The following LRBA variants were observed in gnomAD, a reference collection of about 807,000 sequenced individuals.
The protein encoded by LRBA is LPS responsive beige-like anchor protein, also known as lipopolysaccharide-responsive and beige-like anchor protein.
Under a neutral mutation model 330.0 loss-of-function variants are expected in LRBA, and 176 were observed. The ratio of observed to expected loss-of-function variants is 0.53; its 90% CI spans 0.47 to 0.60. The LOEUF is 0.60. Ranked by LOEUF, LRBA falls within the 20% of genes least tolerant of loss-of-function variation. The pLI is 0.00. For missense variants in LRBA, 3,259 were observed against 3,444.8 expected (o/e 0.95, Z 1.35); for synonymous variants, 1,230 against 1,193.0 (o/e 1.03, Z -0.64).
At chr4:150,562,363 G>A (rs1294884155) in intron 40 of LRBA, among the ~76,000 whole-genome samples, 2 of 152,118 alleles carry the variant, frequency 1.3e-5, no homozygotes, top group Non-Finnish European at 2.9e-5. Context: ...CAGCCTATCT[G>A]CAAAATGTAA....
chr4:150,491,382 C>G (rs1758917475), intron 40 of LRBA, among the ~76,000 whole-genome samples: 1 of 151,854 alleles, frequency 6.6e-6, no homozygotes, highest in Non-Finnish European at 1.5e-5. Context: ...ATCTTAAAAA[C>G]AAAAAGCCCT....
chr4:150,863,069 G>T (rs1579029268), intron 22 of LRBA, among the ~76,000 whole-genome samples: 1 of 152,070 alleles, frequency 6.6e-6, no homozygotes. Flanking sequence ...AGGCCCAGGC[G>T]GGGGGCCACT....
intron 47 of LRBA, among the ~76,000 whole-genome samples, chr4:150,363,041 G>A (rs964255052): frequency 6.6e-6 from 1 of 152,292 alleles, no homozygotes; most frequent in Middle Eastern, 3.4e-3. Flanking sequence ...TCATGTGGGA[G>A]GATCACTTGA....
rs1412053250 is a variant in LRBA at position 150,808,316 on chromosome 4, A to C, written c.5384+4T>G. The C allele has an allele frequency of 1.9e-6, 3 of 1,603,612 alleles. No homozygotes were observed. Among genetic ancestry groups the C allele is most frequent in the Admixed American group, 1.7e-5 (1 of 59,718 alleles). On this transcript the variant is annotated splice_donor_region_variant and intron_variant, in intron 32 of 56. Coordinates refer to ENST00000651943, the MANE Select transcript of LRBA (RefSeq NM_001364905.1). The stretch of plus-strand genomic sequence containing the variant: ...CACAATATTCAAGTTAGTAGCTTAA[A>C]TACCTCATATTTGAAACCGGATCTT...
chr4:150,612,337 T>G (rs890017598), intron 37 of LRBA, among the ~76,000 whole-genome samples: 2 of 152,160 alleles, frequency 1.3e-5, no homozygotes, highest in Admixed American at 6.5e-5. Flanking sequence ...ATACTGAGAG[T>G]AAATAACTGA....
At chr4:150,568,446 T>TGAA (rs1482304920) in intron 40 of LRBA, among the ~76,000 whole-genome samples, 42 of 152,308 alleles carry the variant, frequency 2.8e-4, no homozygotes, top group African/African-American at 9.6e-4. Context: ...TTTTCCCTTC[T>TGAA]TTTATTCCCT....
intron 37 of LRBA, among the ~76,000 whole-genome samples, chr4:150,639,749 A>ATATATGTGTGTATGTG (rs1554070657): frequency 2.9e-4 from 1 of 3,436 alleles, no homozygotes; most frequent in Admixed American, 5.1e-3. Flanking sequence ...ATATATATAT[A>ATATATGTGTGTATGTG]TATATATATA....
At chr4:150,894,457 C>G (rs1204261205) in intron 16 of LRBA, among the ~76,000 whole-genome samples, 1 of 152,070 alleles carries the variant, frequency 6.6e-6, no homozygotes, top group Admixed American at 6.5e-5. Flanking sequence ...TTCTAGACCC[C>G]CAAAAAAACT....
intron 28 of LRBA, among the ~76,000 whole-genome samples, chr4:150,837,114 T>A (rs1019803900): frequency 2.6e-5 from 4 of 152,208 alleles, no homozygotes; most frequent in Non-Finnish European, 5.9e-5. Flanking sequence ...TTTGAGTGAG[T>A]TTCTTAATCC....
chr4:150,731,788 A>G (rs1730495190), intron 36 of LRBA, among the ~76,000 whole-genome samples: 1 of 152,202 alleles, frequency 6.6e-6, no homozygotes, highest in Admixed American at 6.5e-5. Flanking sequence ...ATAGCACAAC[A>G]GGAGACAATA....
At chr4:150,860,395 T>A (rs1032152012) in intron 22 of LRBA, among the ~76,000 whole-genome samples, 1 of 152,212 alleles carries the variant, frequency 6.6e-6, no homozygotes, top group Non-Finnish European at 1.5e-5. Flanking sequence ...CTTAGCATTA[T>A]CCCATCTTAT....
In LRBA at chr4:150,576,825, C is replaced by T. The variant is rs949963950; in HGVS notation, c.6330+11223G>A. 1.1e-4 allele frequency among the ~76,000 whole-genome samples: 17 copies of T among 151,846 alleles called. 1 individual carries two copies. Among genetic ancestry groups the T allele is most frequent in the Admixed American group, 7.9e-4 (12 of 15,252 alleles). On this transcript the variant is annotated intron_variant, in intron 40 of 56. Transcript: ENST00000651943. ...TTATTTTTCAGTACAGTTTGATAGG[C>T]TTACTGTACAAAATTAAAGCTACTG...
Position 150,711,204 on chromosome 4 carries a change from T to C in LRBA, c.5754+24054A>G, listed in dbSNP as rs551136127. On this transcript the variant is annotated intron_variant, in intron 36 of 56. Transcript: ENST00000651943. ...GGTTTCAGGTATAACATAGGAAACA[T>C]AGTGACACAAAGAAGTCAAATCTAA... Among the ~76,000 whole-genome samples, 14 of 151,922 alleles carry C rather than the reference T, an allele frequency of 9.2e-5. No homozygotes were observed. The South Asian group carries it at 1.4e-3, about 16-fold the overall frequency.
At chr4:150,856,574 T>C (rs72961873) in intron 22 of LRBA, among the ~76,000 whole-genome samples, 4,933 of 152,268 alleles carry the variant, frequency 0.032, 219 homozygotes, top group African/African-American at 0.11. Flanking sequence ...ACCTTCAGAA[T>C]CTGAAATGCT....
intron 53 of LRBA, among the ~76,000 whole-genome samples, chr4:150,298,341 T>C (rs1054218026): frequency 6.6e-6 from 1 of 152,096 alleles, no homozygotes; most frequent in African/African-American, 2.4e-5. Flanking sequence ...GTAGTATTTA[T>C]AGTCACATGG....
Position 150,911,131 on chromosome 4 carries a change from G to A in LRBA, c.1162-2274C>T, listed in dbSNP as rs186127358. On this transcript the variant is annotated intron_variant, in intron 9 of 56. Coordinates refer to ENST00000651943, the MANE Select transcript of LRBA (RefSeq NM_001364905.1). Reference sequence around the variant, plus strand: ...TTTTAGATATAAGGTCATGCCATACGCCAACAGATGATTTTACCTCTTCCC... The same window carrying A: ...TTTTAGATATAAGGTCATGCCATACACCAACAGATGATTTTACCTCTTCCC... 4.6e-5 allele frequency among the ~76,000 whole-genome samples: 7 copies of A among 152,196 alleles called. No homozygotes were observed. In the East Asian group the frequency reaches 9.7e-4, roughly 21 times the overall value.
At chr4:150,903,354 T>C (rs1271547156) in intron 13 of LRBA, among the ~76,000 whole-genome samples, 1 of 151,734 alleles carries the variant, frequency 6.6e-6, no homozygotes, top group Admixed American at 6.6e-5. Context: ...AAAGAACATG[T>C]TGGAATTCTG....
chr4:150,788,890 C>T (rs1012958921), intron 34 of LRBA, among the ~76,000 whole-genome samples: 4 of 152,116 alleles, frequency 2.6e-5, no homozygotes, highest in African/African-American at 9.7e-5. Flanking sequence ...GCCTGGCCAA[C>T]ATGGTGAAAC....
At chr4:150,964,816 CAATA>C (rs1267818321) in intron 2 of LRBA, among the ~76,000 whole-genome samples, 31 of 151,528 alleles carry the variant, frequency 2.0e-4, no homozygotes, top group African/African-American at 7.5e-4. Context: ...CAAGAATGAT[CAATA>C]AATACTAAAA....
Sources: gnomAD v4.1 joint callset for allele counts (sites outside exome capture counted in the v4.1 genomes callset) on GRCh38, gnomAD v4.1.1 for gene constraint, MANE v1.5 for transcripts, NCBI Gene and HGNC (gene_info 2026-07-23, HGNC 2026-07-21) for gene names.